Variants in LRRC8C observed in about 807,000 individuals in gnomAD.
The protein encoded by LRRC8C is leucine rich repeat containing 8 VRAC subunit C.
In LRRC8C, 20 loss-of-function variants were observed where a neutral mutation model predicts 55.3. The observed-to-expected ratio is 0.36, with a 90% CI of 0.25 to 0.53. The LOEUF (loss-of-function observed/expected upper bound fraction) is 0.53, where lower values mean the gene tolerates loss of function less well. LRRC8C is among the 20% of genes least tolerant of loss of function. LRRC8C has a pLI of 0.92. For synonymous variants in LRRC8C, 376 were observed against 360.7 expected (o/e 1.04, Z -0.48); for missense variants, 659 against 951.4 (o/e 0.69, Z 4.04).
At chr1:89,693,115 C>T (rs1314491463) in intron 2 of LRRC8C, among the ~76,000 whole-genome samples, 1 of 152,086 alleles carries the variant, frequency 6.6e-6, no homozygotes, top group East Asian at 1.9e-4. Context: ...AATGACAAAG[C>T]CACCTACAAA....
intron 1 of LRRC8C, among the ~76,000 whole-genome samples, chr1:89,641,304 CATTTGGT>C (rs1656449361): frequency 6.6e-6 from 1 of 152,068 alleles, no homozygotes; most frequent in Non-Finnish European, 1.5e-5. Flanking sequence ...TTCTTAGGGA[CATTTGGT>C]AAGAAAAGTG....
chr1:89,623,085 G>A, the LRRC8C span, among the ~76,000 whole-genome samples: 1 of 151,730 alleles, frequency 6.6e-6, no homozygotes, highest in Non-Finnish European at 1.5e-5. Context: ...TTTGGTCACT[G>A]GAAGCAGTTC....
intron 2 of LRRC8C, among the ~76,000 whole-genome samples, chr1:89,702,298 A>G (rs1450119218): frequency 6.6e-6 from 1 of 152,220 alleles, no homozygotes; most frequent in East Asian, 1.9e-4. Flanking sequence ...AGAACACATG[A>G]AAAAAACTAT....
At chr1:89,645,889 A>G (rs1402964565) in intron 1 of LRRC8C, among the ~76,000 whole-genome samples, 1 of 152,102 alleles carries the variant, frequency 6.6e-6, no homozygotes, top group African/African-American at 2.4e-5. Context: ...AAAATATAGC[A>G]TTGAAATTAA....
chr1:89,674,215 G>T (rs546006563), intron 1 of LRRC8C, among the ~76,000 whole-genome samples: 4 of 152,226 alleles, frequency 2.6e-5, no homozygotes, highest in Admixed American at 1.3e-4. Flanking sequence ...TATTTTCCGA[G>T]AATATTTTTC....
At chr1:89,692,732 C>T (rs1233435038) in intron 2 of LRRC8C, among the ~76,000 whole-genome samples, 1 of 152,126 alleles carries the variant, frequency 6.6e-6, no homozygotes, top group Non-Finnish European at 1.5e-5. Context: ...TGTGTCTGTC[C>T]TATTCCTGTA....
chr1:89,688,091 T>G (rs1657930217), intron 2 of LRRC8C, among the ~76,000 whole-genome samples: 1 of 152,140 alleles, frequency 6.6e-6, no homozygotes, highest in African/African-American at 2.4e-5. Context: ...CCAAGGTGAG[T>G]ATTGAAGCCT....
chr1:89,620,706 T>C, the LRRC8C span, among the ~76,000 whole-genome samples: 1 of 152,126 alleles, frequency 6.6e-6, no homozygotes, highest in African/African-American at 2.4e-5. Context: ...AGTTAAAAAA[T>C]GTCAATACTT....
At chr1:89,647,765 C>G (rs193122770) in intron 1 of LRRC8C, among the ~76,000 whole-genome samples, 273 of 152,280 alleles carry the variant, frequency 1.8e-3, no homozygotes, top group African/African-American at 6.2e-3. Context: ...ACAAATCACA[C>G]AGGCCAAACA....
At chr1:89,709,929 T>G (rs964713376) in intron 2 of LRRC8C, among the ~76,000 whole-genome samples, 2 of 152,084 alleles carry the variant, frequency 1.3e-5, no homozygotes, top group Non-Finnish European at 2.9e-5. Context: ...TTTTTTGTGT[T>G]TTCAGTAGAG....
rs1656291378 is a variant in LRRC8C, at chr1:89,636,630, CCTTGACCA to C, written c.-5+3309_-5+3316del. ...AGTCTCTCCCCACCACACACCTCAC[CCTTGACCA>C]AGCCTCCACCAGCTGAAATTCTGCA... On this transcript the variant is annotated intron_variant, in intron 1 of 2. Coordinates refer to ENST00000370454, the MANE Select transcript of LRRC8C (RefSeq NM_032270.5). Among the ~76,000 whole-genome samples the C allele has an allele frequency of 9.7e-5, 3 of 30,914 alleles. No homozygotes were observed. In the South Asian group the frequency reaches 1.9e-3, roughly 19 times the overall value. 20.3% of individuals were successfully genotyped at this position (30,914 alleles called of 152,430 possible).
chr1:89,694,480 C>G (rs1339835508), intron 2 of LRRC8C, among the ~76,000 whole-genome samples: 1 of 151,734 alleles, frequency 6.6e-6, no homozygotes, highest in Non-Finnish European at 1.5e-5. Flanking sequence ...GACGAGTTCT[C>G]ACTCTGTTGC....
the LRRC8C span, among the ~76,000 whole-genome samples, chr1:89,627,130 CTT>C: frequency 6.6e-6 from 1 of 151,982 alleles, no homozygotes; most frequent in Admixed American, 6.6e-5. Flanking sequence ...ATAAAAGACA[CTT>C]TTTTCACCTT....
At chr1:89,627,959 C>T in the LRRC8C span, among the ~76,000 whole-genome samples, 1 of 152,192 alleles carries the variant, frequency 6.6e-6, no homozygotes, top group African/African-American at 2.4e-5. Flanking sequence ...GTATGCTCAA[C>T]TGGTAAGTAT....
upstream of LRRC8C, chr1:89,631,846 A>G (rs1241826411): frequency 6.6e-6 from 1 of 152,238 alleles, no homozygotes; most frequent in Non-Finnish European, 1.5e-5. Flanking sequence ...CTGAGTGAGC[A>G]GGGGGAAAGC....
chr1:89,694,634 G>A (rs1658117627), intron 2 of LRRC8C, among the ~76,000 whole-genome samples: 1 of 123,362 alleles, frequency 8.1e-6, no homozygotes, highest in Non-Finnish European at 1.6e-5. Context: ...CTGTCACCCA[G>A]GCTGGAATGT....
chr1:89,674,548 A>G (rs1328799038), intron 1 of LRRC8C, among the ~76,000 whole-genome samples: 1 of 152,192 alleles, frequency 6.6e-6, no homozygotes, highest in Non-Finnish European at 1.5e-5. Flanking sequence ...GACAAAACCT[A>G]ACATTCTGAT....
At chr1:89,645,917 A>G (rs1656598483) in intron 1 of LRRC8C, among the ~76,000 whole-genome samples, 1 of 151,472 alleles carries the variant, frequency 6.6e-6, no homozygotes. Flanking sequence ...AAATAATGAG[A>G]TAGCTAAAGC....
chr1:89,659,243 A>G (rs1396911896), intron 1 of LRRC8C, among the ~76,000 whole-genome samples: 1 of 152,118 alleles, frequency 6.6e-6, no homozygotes, highest in Admixed American at 6.5e-5. Flanking sequence ...ACTTCTGTAA[A>G]GGAAAATACC....
Sources: allele counts gnomAD v4.1 joint callset (sites outside exome capture counted in the v4.1 genomes callset), GRCh38; gene constraint gnomAD v4.1.1; transcripts MANE v1.5; gene names NCBI Gene and HGNC (gene_info 2026-07-23, HGNC 2026-07-21).